GNLY: variants seen among roughly 807,000 people sequenced by gnomAD.
GNLY encodes the protein granulysin.
In GNLY, 15 loss-of-function variants were observed where a neutral mutation model predicts 18.5. That is an observed-to-expected ratio of 0.81 (90% confidence interval 0.54 to 1.25). GNLY has a LOEUF of 1.25. GNLY is among the 50% of genes most tolerant of loss of function. The pLI is 0.00. For missense variants in GNLY, 178 were observed against 186.9 expected, an observed-to-expected ratio of 0.95 and a Z score of 0.28; for synonymous variants, 77 against 74.9, an observed-to-expected ratio of 1.03 and a Z score of -0.14.
intron 1 of GNLY, 71 bp from the exon 2 acceptor site, chr2:85,695,249 A>G: frequency 8.8e-7 from 1 of 1,138,672 alleles, no homozygotes. Flanking sequence ...CTGGACTCCC[A>G]CCAGCCAGGA....
At chr2:85,695,026 T>C (rs1678386257) in intron 1 of GNLY, 1 of 1,573,146 alleles carries the variant, frequency 6.4e-7, no homozygotes, top group South Asian at 1.2e-5. Context: ...TGAAAGGAGA[T>C]TGAGGGAAGT....
intron 3 of GNLY, 80 bp downstream of exon 3, chr2:85,696,136 G>T: frequency 2.6e-6 from 2 of 770,998 alleles, no homozygotes; most frequent in South Asian, 1.6e-5. Context: ...GGATCGGGGA[G>T]CCCGGGGGCA....
chr2:85,694,827 G>T, intron 1 of GNLY: 1 of 1,507,008 alleles, frequency 6.6e-7, no homozygotes, highest in Non-Finnish European at 8.8e-7. Flanking sequence ...GGCCTACACT[G>T]TCTAGGATTG....
intron 4 of GNLY, chr2:85,698,272 A>G (rs1191351516): frequency 2.8e-5 from 18 of 643,916 alleles, no homozygotes; most frequent in Admixed American, 1.0e-4. Flanking sequence ...ATGGGGCCAG[A>G]AAGGGGCCTC....
At chr2:85,698,399 C>A (rs1159868876) in intron 4 of GNLY, 165 bp from the exon 5 acceptor site, 2 of 1,080,000 alleles carry the variant, frequency 1.9e-6, no homozygotes, top group Non-Finnish European at 2.8e-6. Flanking sequence ...CTATTCAAGG[C>A]CCCACAACCT....
intron 2 of GNLY, 132 bp downstream of exon 2, chr2:85,695,555 G>C: frequency 1.5e-6 from 1 of 655,360 alleles, no homozygotes; most frequent in Non-Finnish European, 2.7e-6. Flanking sequence ...TTCTGACGAT[G>C]CTGGTTTTGT....
At chr2:85,698,311 A>T in intron 4 of GNLY, 1 of 696,604 alleles carries the variant, frequency 1.4e-6, no homozygotes, top group Non-Finnish European at 2.6e-6. Context: ...CTCAGCTGGC[A>T]CTTGCCAATG....
intron 2 of GNLY, 29 bp downstream of exon 2, chr2:85,695,452 A>G (rs761944119): frequency 7.6e-7 from 1 of 1,312,056 alleles, no homozygotes; most frequent in Non-Finnish European, 1.1e-6. Context: ...CTCACCTGCC[A>G]CAGTCCCTCT....
At chr2:85,695,849 C>T (rs1678422276) in intron 2 of GNLY, 109 bp from the exon 3 acceptor site, 2 of 674,278 alleles carry the variant, frequency 3.0e-6, no homozygotes, top group Non-Finnish European at 5.3e-6. Context: ...GGGAAGAGAT[C>T]ACGGACATTC....
intron 3 of GNLY, 118 bp from the exon 4 acceptor site, chr2:85,697,388 C>A: frequency 1.2e-6 from 1 of 864,288 alleles, no homozygotes; most frequent in Non-Finnish European, 1.9e-6. Context: ...CCATGGGCAC[C>A]AGGTGCCAGC....
In GNLY at chr2:85,694,414, C is replaced by A; in HGVS notation, c.-5C>A. On this transcript the variant is annotated 5_prime_UTR_variant, in exon 1 of 5. Coordinates refer to ENST00000263863, the MANE Select transcript of GNLY (RefSeq NM_006433.5). ...TGTGAAAGGCATCTCAGCGGCTGCC[C>A]CACCATGGCTACCTGGGCCCTCCTG... The A allele has an allele frequency of 6.2e-7, 1 of 1,613,974 alleles. No individual in the cohort carries two copies.
chr2:85,695,444 C>T, intron 2 of GNLY, 21 bp downstream of exon 2: 2 of 1,374,992 alleles, frequency 1.5e-6, no homozygotes, highest in Non-Finnish European at 2.1e-6. Context: ...GCTCTCTGCT[C>T]ACCTGCCACA....
chr2:85,694,907 C>G lies in GNLY; in HGVS notation c.53-413C>G, dbSNP rs763709591. 42 of 1,559,350 alleles carry G rather than the reference C, an allele frequency of 2.7e-5. 2 individuals carry two copies. The South Asian group carries it at 4.5e-4, about 17-fold the overall frequency. ...GACTTCCTGCCCCCTGCACCCTGCT[C>G]TCTCCCAGGCCTTGAGGTCAGTGTG... On this transcript the variant is annotated intron_variant, in intron 1 of 4. Transcript: ENST00000263863.
chr2:85,694,621 A>G (rs1417916274), intron 1 of GNLY, 151 bp downstream of exon 1: 2 of 1,039,546 alleles, frequency 1.9e-6, no homozygotes, highest in Non-Finnish European at 2.8e-6. Flanking sequence ...GCCTCCCCTC[A>G]GAGCCAGGCT....
rs776751418 is a variant in GNLY, at chr2:85,697,531, G to A, written c.281G>A (p.Arg94Gln). 5.0e-6 allele frequency: 8 copies of A among 1,612,786 alleles called. No homozygotes were observed. The highest frequency in any genetic ancestry group is 2.2e-5 in the East Asian group (1 of 44,900). ...AGAAGTGTTTCCAATGCTGCGACCC[G>A]GGTGTGTAGGACGGGGAGGTCACGA... The part of the protein sequence containing the change: ...TQRSVSNAAT[R>Q]VCRTGRSRWR... Residue 94 changes from arginine (R) to glutamine (Q), a missense_variant, in exon 4 of 5, where the codon CGG becomes CAG. Coordinates refer to ENST00000263863, the MANE Select transcript of GNLY (RefSeq NM_006433.5).
In GNLY at chr2:85,695,379, G is replaced by T; in HGVS notation, c.112G>T (p.Asp38Tyr). The T allele has an allele frequency of 1.1e-5, 18 of 1,614,002 alleles. No homozygotes were observed. The highest frequency in any genetic ancestry group is 1.5e-5 in the Non-Finnish European group (18 of 1,179,802). The stretch of plus-strand genomic sequence containing the variant: ...CGACCTGGCAAGAGCCCACCTGCGT[G>T]ATGAGGAGAAATCCTGCCCGTGCCT... ...YYDLARAHLRDEEKSCPCLAQ... is the reference protein window; with the variant it reads ...YYDLARAHLRYEEKSCPCLAQ... The change falls in exon 2 of 5, where the codon GAT (aspartate) becomes TAT (tyrosine). Residue 38 changes from aspartate to tyrosine, a missense_variant. By Grantham distance (160) the Asp-to-Tyr change is radical. Coordinates refer to ENST00000263863, the MANE Select transcript of GNLY (RefSeq NM_006433.5).
intron 3 of GNLY, 169 bp downstream of exon 3, chr2:85,696,225 GA>G (rs1678445022): frequency 1.7e-6 from 1 of 595,074 alleles, no homozygotes; most frequent in Admixed American, 3.0e-5. Context: ...GAATTTCAGA[GA>G]ACTTGTGAAA....
In GNLY at chr2:85,697,656, A is replaced by G; in HGVS notation, c.406A>G (p.Arg136Gly). Reference protein sequence around the residue: ...ETAQQICEDLRLCIPSTGPL With the variant: ...ETAQQICEDLGLCIPSTGPL Reference sequence around the variant, plus strand: ...TGCCCAGCAGATCTGTGAGGACCTCAGGTTGTGTATACCTTCTACAGGTGA... The same window carrying G: ...TGCCCAGCAGATCTGTGAGGACCTCGGGTTGTGTATACCTTCTACAGGTGA... The change falls in exon 4 of 5, where the codon AGG becomes GGG. Residue 136 changes from arginine to glycine, a missense_variant. By Grantham distance (125) the Arg-to-Gly change is moderately radical. Coordinates refer to ENST00000263863, the MANE Select transcript of GNLY (RefSeq NM_006433.5). 1 of 1,613,366 alleles carries G rather than the reference A, an allele frequency of 6.2e-7. No homozygotes were observed. The highest frequency in any genetic ancestry group is 8.5e-7 in the Non-Finnish European group (1 of 1,179,278).
chr2:85,694,850 G>A (rs1678376647), intron 1 of GNLY: 2 of 1,526,408 alleles, frequency 1.3e-6, no homozygotes, highest in Non-Finnish European at 1.8e-6. Flanking sequence ...CGGGGCTGGT[G>A]AGAGAACAAG....
Sources: gnomAD v4.1 joint callset for allele counts on GRCh38, gnomAD v4.1.1 for gene constraint, MANE v1.5 for transcripts, NCBI Gene and HGNC (gene_info 2026-07-23, HGNC 2026-07-21) for gene names.